Variants in PUM1 observed in about 807,000 individuals in gnomAD.
PUM1 encodes the protein pumilio homolog 1.
In PUM1, 13 loss-of-function variants were observed where a neutral mutation model predicts 131.8. That is an observed-to-expected ratio of 0.10 (90% CI 0.06 to 0.16). The LOEUF is 0.16. Ranked by LOEUF, PUM1 falls within the 10% of genes least tolerant of loss-of-function variation. PUM1 has a pLI of 1.00. For synonymous variants in PUM1, 509 were observed against 556.5 expected (o/e 0.91, Z 1.20); for missense variants, 961 against 1,512.4 (o/e 0.64, Z 6.05).
Position 30,933,289 on chromosome 1 carries a change from C to A in PUM1, c.3489G>T (p.Leu1163=), listed in dbSNP as rs1639032363. Residue 1163 remains leucine, a synonymous_variant, in exon 22 of 22, where the codon CTG becomes CTT. Coordinates refer to ENST00000426105, the MANE Select transcript of PUM1 (RefSeq NM_001020658.2). ...TCATGTAGTACTTCTCCAGCTTGGC[C>A]AGAATGTGCTTGCCATAGGTGTACT... ...LRKYTYGKHI[L]AKLEKYYMKN... The A allele has an allele frequency of 1.9e-6, 3 of 1,613,582 alleles. No individual in the cohort carries two copies. In the East Asian group the frequency reaches 6.7e-5, roughly 36 times the overall value.
intron 2 of PUM1, among the ~76,000 whole-genome samples, chr1:31,042,642 CA>C (rs1271708216): frequency 1.3e-5 from 2 of 152,112 alleles, no homozygotes; most frequent in Non-Finnish European, 2.9e-5. Context: ...TCAGAAAATA[CA>C]AAATGGACAA....
chr1:31,002,537 G>C (rs190809630), intron 5 of PUM1, among the ~76,000 whole-genome samples: 10 of 152,018 alleles, frequency 6.6e-5, no homozygotes, highest in African/African-American at 2.4e-4. Flanking sequence ...CAGAGAGCAG[G>C]GTCCTTAGAT....
intron 14 of PUM1, among the ~76,000 whole-genome samples, chr1:30,957,312 C>A (rs766283616): frequency 1.3e-5 from 2 of 152,072 alleles, no homozygotes; most frequent in African/African-American, 4.8e-5. Flanking sequence ...GAAAAAAATG[C>A]GTGACAAATA....
At chr1:31,038,222 G>C (rs1267190101) in intron 2 of PUM1, among the ~76,000 whole-genome samples, 1 of 151,824 alleles carries the variant, frequency 6.6e-6, no homozygotes, top group Non-Finnish European at 1.5e-5. Context: ...AAAAGAGAGA[G>C]AGAAATATGT....
At chr1:30,976,417 C>T (rs748940672) in intron 9 of PUM1, among the ~76,000 whole-genome samples, 6 of 152,190 alleles carry the variant, frequency 3.9e-5, no homozygotes, top group Non-Finnish European at 7.4e-5. Context: ...GTAACCAAAC[C>T]TTCCTTACAC....
rs531262585 is a variant in PUM1 at position 30,947,480 on chromosome 1, T to C, written c.2857-1997A>G. Among the ~76,000 whole-genome samples, 3 of 152,166 alleles carry C rather than the reference T, an allele frequency of 2.0e-5. No individual in the cohort carries two copies. The South Asian group carries it at 6.2e-4, about 32-fold the overall frequency. ...AATGGCCAGAAACTGAGTCTGTGAG[T>C]AGGAAATGGGTGATGGTGACAGGAT... On this transcript the variant is annotated intron_variant, in intron 17 of 21. Transcript: ENST00000426105.
At chr1:31,038,982 ATATTT>A (rs1330024898) in intron 2 of PUM1, among the ~76,000 whole-genome samples, 4 of 27,978 alleles carry the variant, frequency 1.4e-4, no homozygotes, top group Non-Finnish European at 2.3e-4. Context: ...ATATATATAT[ATATTT>A]TTTTTTTTTT....
At chr1:31,047,196 G>C (rs939989405) in intron 2 of PUM1, among the ~76,000 whole-genome samples, 15 of 152,048 alleles carry the variant, frequency 9.9e-5, no homozygotes, top group African/African-American at 2.9e-4. Flanking sequence ...CTCAAAAAAA[G>C]AGTACATTCA....
intron 10 of PUM1, among the ~76,000 whole-genome samples, chr1:30,969,583 G>A (rs1373149791): frequency 2.0e-5 from 3 of 151,714 alleles, no homozygotes; most frequent in East Asian, 1.9e-4. Context: ...ACAAACATAC[G>A]CATTAGTCAA....
chr1:30,951,659 G>A (rs61367546), intron 16 of PUM1, among the ~76,000 whole-genome samples: 6,352 of 151,126 alleles, frequency 0.042, 433 homozygotes, highest in African/African-American at 0.14. Flanking sequence ...TCACTAGAGG[G>A]AAAAGACATC....
At chr1:30,974,555 A>C in intron 10 of PUM1, 96 bp downstream of exon 10, 2 of 1,213,992 alleles carry the variant, frequency 1.6e-6, no homozygotes, top group South Asian at 3.2e-5. Context: ...AAATTCATGC[A>C]TTCACAGTGT....
intron 14 of PUM1, among the ~76,000 whole-genome samples, chr1:30,961,742 C>T (rs998026372): frequency 6.6e-6 from 1 of 152,018 alleles, no homozygotes; most frequent in East Asian, 1.9e-4. Context: ...AAGATCCACA[C>T]GAGATATAGG....
rs146424969 is a variant in PUM1, at chr1:30,967,245, C to T, written c.1711G>A (p.Ala571Thr). The change falls in exon 12 of 22, where the codon GCG becomes ACG. Residue 571 changes from alanine (A) to threonine (T), a missense_variant. Ala to Thr is a moderately conservative substitution (Grantham distance 58). This residue lies in a region of PUM1 where 654 missense variants were observed against 923.9 expected (regional missense o/e 0.71). Coordinates refer to ENST00000426105, the MANE Select transcript of PUM1 (RefSeq NM_001020658.2). ...ACAGGAGCTCCAAGACCATTTCTCG[C>T]GCCTGCATTCACTACAAGGGCACCA... is the stretch of plus-strand genomic sequence containing the variant. The part of the protein sequence containing the change: ...QTGALVVNAG[A>T]RNGLGAPVRL... The T allele has an allele frequency of 8.1e-6, 13 of 1,614,062 alleles. No homozygotes were observed. The highest frequency in any genetic ancestry group is 9.3e-6 in the Non-Finnish European group (11 of 1,179,972).
chr1:31,003,457 G>T (rs920398718), intron 5 of PUM1, among the ~76,000 whole-genome samples: 47 of 152,240 alleles, frequency 3.1e-4, no homozygotes, highest in African/African-American at 1.1e-3. Flanking sequence ...CAACCACAAA[G>T]CTGATAATCA....
chr1:31,064,536 A>C (rs1421913239), intron 1 of PUM1, among the ~76,000 whole-genome samples: 1 of 152,154 alleles, frequency 6.6e-6, no homozygotes, highest in African/African-American at 2.4e-5. Context: ...CAAAATGCTA[A>C]GCCTATTGTT....
rs117124790 is a variant in PUM1 at position 30,939,113 on chromosome 1, C to T, written c.3242+2038G>A. On this transcript the variant is annotated intron_variant, in intron 20 of 21. Coordinates refer to ENST00000426105, the MANE Select transcript of PUM1 (RefSeq NM_001020658.2). ...TAACTGGGTCATTTTAGACTACCCA[C>T]TGATTTTTATTTCTTTTTTCTTGAG... 5.1e-3 allele frequency among the ~76,000 whole-genome samples: 779 copies of T among 152,234 alleles called. 5 individuals are homozygous for T. Among genetic ancestry groups the T allele is most frequent in the East Asian group, 0.032 (168 of 5,182 alleles).
rs112304138 is a variant in PUM1 at position 31,028,844 on chromosome 1, C to G, written c.384G>C (p.Leu128=). The stretch of plus-strand genomic sequence containing the variant: ...GAGCAAGTGCTTGAAAATCATGATT[C>G]AGTTCATCCATGGAACGCACCTATT... The part of the protein sequence containing the change: ...AEHQVRSMDE[L]NHDFQALALE... The change falls in exon 3 of 22, where the codon CTG becomes CTC. Residue 128 remains leucine, a synonymous_variant. Transcript: ENST00000426105. 1,079 of 1,613,886 alleles carry G rather than the reference C, an allele frequency of 6.7e-4. 10 individuals carry two copies. The African/African-American group carries it at 0.013, about 19-fold the overall frequency.
intron 9 of PUM1, among the ~76,000 whole-genome samples, chr1:30,975,948 C>T (rs956776401): frequency 1.3e-5 from 2 of 151,766 alleles, no homozygotes; most frequent in African/African-American, 2.4e-5. Flanking sequence ...ATTAGCCGGA[C>T]GTGGTGGCAG....
At chr1:31,057,192 C>G (rs890585458) in intron 2 of PUM1, among the ~76,000 whole-genome samples, 8 of 151,936 alleles carry the variant, frequency 5.3e-5, no homozygotes, top group African/African-American at 1.9e-4. Flanking sequence ...TCACTGTGAG[C>G]CTGGGCTCAA....
Sources: allele counts gnomAD v4.1 joint callset (sites outside exome capture counted in the v4.1 genomes callset), GRCh38; gene constraint gnomAD v4.1.1; regional missense constraint gnomAD v4.1.1; transcripts MANE v1.5; gene names NCBI Gene and HGNC (gene_info 2026-07-23, HGNC 2026-07-21).